The following VAV3 variants were observed in gnomAD, a reference collection of about 807,000 sequenced individuals.
VAV3 encodes the protein guanine nucleotide exchange factor VAV3.
Under a neutral mutation model 131.2 loss-of-function variants are expected in VAV3, and 94 were observed. The observed-to-expected ratio is 0.72, with a 90% CI of 0.61 to 0.85. The LOEUF is 0.85. VAV3 is among the 40% of genes least tolerant of loss of function. VAV3 has a pLI of 0.00. For synonymous variants in VAV3, 349 were observed against 342.0 expected (o/e 1.02, Z -0.22); for missense variants, 939 against 1,002.7 (o/e 0.94, Z 0.86).
At chr1:107,634,111 G>GA (rs1483549414) in intron 20 of VAV3, among the ~76,000 whole-genome samples, 1 of 152,066 alleles carries the variant, frequency 6.6e-6, no homozygotes, top group Non-Finnish European at 1.5e-5. Flanking sequence ...CACAGAATTG[G>GA]AAAAAACTAC....
In VAV3 at chr1:107,688,872, G is replaced by C. The variant is rs554032855; in HGVS notation, c.1706-466C>G. ...CAACATTTCGTGTGAATTGTTTTTT[G>C]TTAAGTGGCTATAACTTTTATTTTT... On this transcript the variant is annotated intron_variant, in intron 17 of 26. Transcript: ENST00000370056. Among the ~76,000 whole-genome samples, 20 of 152,146 alleles carry C rather than the reference G, an allele frequency of 1.3e-4. 1 individual carries two copies. Among genetic ancestry groups the C allele is most frequent in the African/African-American group, 4.8e-4 (20 of 41,520 alleles).
At chr1:107,821,874 G>A (rs964622449) in intron 2 of VAV3, among the ~76,000 whole-genome samples, 6 of 152,194 alleles carry the variant, frequency 3.9e-5, no homozygotes, top group Non-Finnish European at 7.3e-5. Flanking sequence ...TAAAGAAAGT[G>A]ATTTATTCCA....
chr1:107,689,586 C>A (rs1659281974), intron 17 of VAV3, among the ~76,000 whole-genome samples: 1 of 151,514 alleles, frequency 6.6e-6, no homozygotes, highest in South Asian at 2.1e-4. Flanking sequence ...GGCAGAAAGT[C>A]ACCTTCAGAA....
At chr1:107,604,803 A>T (rs1345483337) in intron 22 of VAV3, among the ~76,000 whole-genome samples, 2 of 152,242 alleles carry the variant, frequency 1.3e-5, no homozygotes, top group Non-Finnish European at 2.9e-5. Flanking sequence ...GTCCATTCAC[A>T]TTATAATAAT....
intron 20 of VAV3, among the ~76,000 whole-genome samples, chr1:107,634,588 A>AAAGC (rs200322757): frequency 0.17 from 25,986 of 152,004 alleles, 2,402 homozygotes; most frequent in South Asian, 0.28. Context: ...TAAAACACCA[A>AAAGC]AAGCAATGGC....
intron 15 of VAV3, among the ~76,000 whole-genome samples, chr1:107,736,569 CAG>C (rs1345400870): frequency 6.6e-6 from 1 of 152,076 alleles, no homozygotes; most frequent in Non-Finnish European, 1.5e-5. Flanking sequence ...CAATTACAGA[CAG>C]AGAGCCAAAT....
intron 2 of VAV3, among the ~76,000 whole-genome samples, chr1:107,782,999 T>C (rs980652934): frequency 6.6e-6 from 1 of 152,216 alleles, no homozygotes; most frequent in Admixed American, 6.5e-5. Context: ...TGCAGGTCAA[T>C]AGGCCAACAA....
chr1:107,869,701 T>C (rs1670166386), intron 2 of VAV3, among the ~76,000 whole-genome samples: 1 of 152,162 alleles, frequency 6.6e-6, no homozygotes. Flanking sequence ...TTTGGTTACA[T>C]GAGTAAGTTA....
Position 107,875,006 on chromosome 1 carries a change from C to T in VAV3, c.216G>A (p.Leu72=). Reference sequence around the variant, plus strand: ...CCGTGAGAAATGTCCTTATGTTCTTCAAACAGAGAAACTGAGGAATGGAAA... The same window carrying T: ...CCGTGAGAAATGTCCTTATGTTCTTTAAACAGAGAAACTGAGGAATGGAAA... The part of the protein sequence containing the change: ...LRPQMSQFLC[L]KNIRTFLTAC... Residue 72 remains leucine, a synonymous_variant, in exon 2 of 27, where the codon TTG becomes TTA. Coordinates refer to ENST00000370056, the MANE Select transcript of VAV3 (RefSeq NM_006113.5). The T allele has an allele frequency of 6.2e-7, 1 of 1,612,790 alleles. No homozygotes were observed. The highest frequency in any genetic ancestry group is 1.1e-5 in the South Asian group (1 of 91,042).
chr1:107,732,726 G>C (rs902122078), intron 15 of VAV3, among the ~76,000 whole-genome samples: 7 of 152,142 alleles, frequency 4.6e-5, no homozygotes, highest in African/African-American at 1.4e-4. Flanking sequence ...GACCTGGGTG[G>C]AGCCCACCTC....
At chr1:107,903,171 T>C (rs533462205) in intron 1 of VAV3, among the ~76,000 whole-genome samples, 1 of 152,070 alleles carries the variant, frequency 6.6e-6, no homozygotes. Flanking sequence ...TTTAATTTTT[T>C]AAAAAAATCT....
Position 107,874,892 on chromosome 1 carries a change from T to C in VAV3, c.321+9A>G, listed in dbSNP as rs1450879677. 4 of 1,608,652 alleles carry C rather than the reference T, an allele frequency of 2.5e-6. No homozygotes were observed. The highest frequency in any genetic ancestry group is 2.7e-5 in the African/African-American group (2 of 74,470). On this transcript the variant is annotated intron_variant, in intron 2 of 26. Transcript: ENST00000370056. Reference sequence around the variant, plus strand: ...TTAAAAAGTAGTGTTAAAAATGAAGTATAATTACCTTTCCAAAGTCACGAA... The same window carrying C: ...TTAAAAAGTAGTGTTAAAAATGAAGCATAATTACCTTTCCAAAGTCACGAA...
At chr1:107,647,772 G>GA (rs1257575792) in intron 19 of VAV3, among the ~76,000 whole-genome samples, 2 of 152,074 alleles carry the variant, frequency 1.3e-5, no homozygotes, top group East Asian at 3.9e-4. Flanking sequence ...TTGCTTTTGA[G>GA]AAAATTACAG....
At chr1:107,618,524 A>G (rs181702804) in intron 20 of VAV3, among the ~76,000 whole-genome samples, 1 of 152,358 alleles carries the variant, frequency 6.6e-6, no homozygotes, top group East Asian at 1.9e-4. Flanking sequence ...TTGGTGCAAA[A>G]GTAATTGTGG....
intron 19 of VAV3, among the ~76,000 whole-genome samples, chr1:107,664,138 A>C (rs1488838456): frequency 6.6e-6 from 1 of 152,034 alleles, no homozygotes; most frequent in Non-Finnish European, 1.5e-5. Flanking sequence ...ATGTTTTCTA[A>C]ATTTTTCACC....
Position 107,869,089 on chromosome 1 carries a change from C to G in VAV3, c.321+5812G>C. On this transcript the variant is annotated intron_variant, in intron 2 of 26. Transcript: ENST00000370056. ...GTATCAGGAAGAGAGAAAAATAAAA[C>G]TACCCTTGCAAATGTCTTATTGGTC... 1.3e-5 allele frequency among the ~76,000 whole-genome samples: 2 copies of G among 152,124 alleles called. 1 individual carries two copies. Among genetic ancestry groups the G allele is most frequent in the Middle Eastern group, 6.3e-3 (2 of 316 alleles).
chr1:107,610,090 CA>C (rs1330594872), intron 21 of VAV3, 125 bp from the exon 22 acceptor site: 4 of 727,852 alleles, frequency 5.5e-6, no homozygotes, highest in Non-Finnish European at 9.3e-6. Flanking sequence ...TGGAACTATC[CA>C]TTGGTAATTT....
chr1:107,644,548 C>T (rs769933085), intron 19 of VAV3, among the ~76,000 whole-genome samples: 4 of 152,010 alleles, frequency 2.6e-5, no homozygotes, highest in Non-Finnish European at 4.4e-5. Flanking sequence ...AGTTCTGAGC[C>T]GTGGACTTCA....
chr1:107,665,894 A>C (rs767137303), intron 19 of VAV3, among the ~76,000 whole-genome samples: 1 of 152,224 alleles, frequency 6.6e-6, no homozygotes, highest in African/African-American at 2.4e-5. Context: ...GTGATGCATA[A>C]AGAAACAAAC....
Sources: allele counts gnomAD v4.1 joint callset (sites outside exome capture counted in the v4.1 genomes callset), GRCh38; gene constraint gnomAD v4.1.1; transcripts MANE v1.5; gene names NCBI Gene and HGNC (gene_info 2026-07-23, HGNC 2026-07-21).